The following GPR55 variants were observed in gnomAD, a reference collection of about 807,000 sequenced individuals.
GPR55 encodes G-protein coupled receptor 55.
A neutral mutation model predicts 7.9 loss-of-function variants in GPR55; 6 were observed. The observed-to-expected ratio is 0.76, with a 90% CI of 0.41 to 1.49. GPR55 has a LOEUF of 1.49. GPR55 is among the 40% of genes most tolerant of loss of function. The pLI is 0.01. For missense variants in GPR55, 376 were observed against 406.0 expected (o/e 0.93, Z 0.63); for synonymous variants, 183 against 166.8 (o/e 1.10, Z -0.75).
intron 1 of GPR55, among the ~76,000 whole-genome samples, chr2:230,958,964 C>T (rs1356556780): frequency 1.3e-5 from 2 of 152,200 alleles, no homozygotes; most frequent in Admixed American, 1.3e-4. Context: ...TCATAAATCA[C>T]ATTTCAAGCA....
At chr2:230,913,681 T>C (rs1200186427) in intron 1 of GPR55, among the ~76,000 whole-genome samples, 1 of 152,174 alleles carries the variant, frequency 6.6e-6, no homozygotes, top group East Asian at 1.9e-4. Context: ...GGCCGCCTCC[T>C]CACTAAACAT....
chr2:230,959,994 C>T (rs1238728115), intron 1 of GPR55, among the ~76,000 whole-genome samples: 1 of 152,194 alleles, frequency 6.6e-6, no homozygotes, highest in Non-Finnish European at 1.5e-5. Flanking sequence ...GTTGCCCGTC[C>T]CTATCAGAGC....
At chr2:230,912,281 C>T (rs1459600424) in intron 1 of GPR55, among the ~76,000 whole-genome samples, 3 of 152,166 alleles carry the variant, frequency 2.0e-5, no homozygotes, top group African/African-American at 7.2e-5. Context: ...CCGTGAGACC[C>T]ACCTTCCTGT....
At position 230,910,323 on chromosome 2, in the gene GPR55, G is replaced by T; in HGVS notation, c.640C>A (p.His214Asn). ...TTCTGCTGCACCCAGTCCTGGGTGT[G>T]GTCTCGGCGGCCCAGCAGGATGTGG... Reference protein sequence around the residue: ...SIHILLGRRDHTQDWVQQKAC... With the variant: ...SIHILLGRRDNTQDWVQQKAC... Residue 214 changes from histidine (H) to asparagine (N), a missense_variant, in exon 2 of 2, where the codon CAC (histidine) becomes AAC (asparagine). Physicochemically the swap from His to Asn is moderately conservative, Grantham distance 68 (BLOSUM62 1). Coordinates refer to ENST00000650999, the MANE Select transcript of GPR55 (RefSeq NM_005683.4). This position sits in a 1 kb window ranked among gnomAD's most constrained non-coding sequence, Gnocchi z 5.4. 1.9e-6 allele frequency: 3 copies of T among 1,612,948 alleles called. No individual in the cohort carries two copies. The highest frequency in any genetic ancestry group is 2.5e-6 in the Non-Finnish European group (3 of 1,179,454).
At chr2:230,931,791 G>T (rs528374851) in intron 1 of GPR55, among the ~76,000 whole-genome samples, 162 of 152,038 alleles carry the variant, frequency 1.1e-3, no homozygotes, top group Non-Finnish European at 1.9e-3. Flanking sequence ...TCCACACCCT[G>T]AGTGGTGCCC....
At chr2:230,926,248 G>C (rs1231646627), upstream of GPR55, among the ~76,000 whole-genome samples, 3 of 152,222 alleles carry the variant, frequency 2.0e-5, no homozygotes, top group Non-Finnish European at 2.9e-5. Context: ...TCTTCCCACT[G>C]TCTGGTGAAG....
intron 1 of GPR55, among the ~76,000 whole-genome samples, chr2:230,946,340 A>G (rs577747189): frequency 1.3e-5 from 2 of 152,316 alleles, no homozygotes; most frequent in African/African-American, 2.4e-5. Flanking sequence ...AAACTTGGAA[A>G]TTGCTACAAG....
chr2:230,949,904 G>A (rs923982504), intron 1 of GPR55, among the ~76,000 whole-genome samples: 2 of 151,800 alleles, frequency 1.3e-5, no homozygotes, highest in African/African-American at 4.8e-5. Context: ...GCACAATCTC[G>A]GCTCACTACA....
At chr2:230,931,948 T>C (rs1691046823) in intron 1 of GPR55, among the ~76,000 whole-genome samples, 1 of 151,640 alleles carries the variant, frequency 6.6e-6, no homozygotes, top group African/African-American at 2.4e-5. Context: ...CCTCACCCCT[T>C]CCCTGGTGGT....
At chr2:230,945,462 C>A (rs1034677427) in intron 1 of GPR55, among the ~76,000 whole-genome samples, 4 of 152,200 alleles carry the variant, frequency 2.6e-5, no homozygotes, top group Admixed American at 1.3e-4. Flanking sequence ...GCAACCCGCG[C>A]CCTTATTTGA....
At chr2:230,919,319 A>C (rs757418550) in intron 1 of GPR55, among the ~76,000 whole-genome samples, 1 of 152,192 alleles carries the variant, frequency 6.6e-6, no homozygotes, top group African/African-American at 2.4e-5. Flanking sequence ...GCACAAAAAA[A>C]ATTCTTTTTG....
intron 1 of GPR55, among the ~76,000 whole-genome samples, chr2:230,932,892 C>T (rs1357070616): frequency 2.6e-5 from 4 of 152,118 alleles, no homozygotes; most frequent in Non-Finnish European, 4.4e-5. Context: ...CTCTTGCATG[C>T]GCTCGCTCTC....
At position 230,949,210 on chromosome 2, in the gene GPR55, C is replaced by G. The variant is rs140454365; in HGVS notation, c.-135+11565G>C. Among the ~76,000 whole-genome samples the G allele has an allele frequency of 4.3e-3, 647 of 152,230 alleles. 4 individuals are homozygous for G. Among genetic ancestry groups the G allele is most frequent in the African/African-American group, 0.015 (617 of 41,550 alleles). ...ACGGAGTTTCACTCTTCCACCCAGG[C>G]TGGAGTGCAATGGCGCAATCTCAGC... On this transcript the variant is annotated intron_variant, in intron 1 of 1. Coordinates refer to the GPR55 transcript ENST00000392039.
chr2:230,932,178 G>T (rs184105155), intron 1 of GPR55, among the ~76,000 whole-genome samples: 1 of 152,188 alleles, frequency 6.6e-6, no homozygotes, highest in Non-Finnish European at 1.5e-5. Context: ...ACACCTCCAC[G>T]CCACCAGCCC....
intron 1 of GPR55, chr2:230,957,644 C>G (rs1193174674): frequency 5.6e-6 from 3 of 536,870 alleles, no homozygotes; most frequent in African/African-American, 3.9e-5. Flanking sequence ...GCTCTTTAAG[C>G]TCCTAGGCAT....
rs1691264084 is a variant in GPR55 at position 230,943,353 on chromosome 2, TC to T, written c.-135+17421del. Among the ~76,000 whole-genome samples, 4 of 152,116 alleles carry T rather than the reference TC, an allele frequency of 2.6e-5. No homozygotes were observed. In the South Asian group the frequency reaches 8.3e-4, roughly 32 times the overall value. ...GAGCAGCCCCTCCTTCCTGTGCACC[TC>T]CTCTCCTCTCCCACTAGCCAGCCCC... On this transcript the variant is annotated intron_variant, in intron 1 of 1. Transcript: ENST00000392039.
At chr2:230,928,978 C>G (rs543733827), upstream of GPR55, among the ~76,000 whole-genome samples, 193 of 152,282 alleles carry the variant, frequency 1.3e-3, no homozygotes, top group African/African-American at 4.4e-3. Flanking sequence ...CCCATTCTGC[C>G]GGGAACACTT....
intron 1 of GPR55, among the ~76,000 whole-genome samples, chr2:230,933,595 T>G (rs114176980): frequency 2.6e-5 from 4 of 152,346 alleles, no homozygotes; most frequent in African/African-American, 9.6e-5. Context: ...CCTCCTTTCA[T>G]GTCCACCCTC....
At chr2:230,934,383 C>T (rs1272880810) in intron 1 of GPR55, among the ~76,000 whole-genome samples, 1 of 152,266 alleles carries the variant, frequency 6.6e-6, no homozygotes, top group Non-Finnish European at 1.5e-5. Context: ...GCTGCTCTTT[C>T]TGCCCCTCAG....
Sources: allele counts gnomAD v4.1 joint callset (sites outside exome capture counted in the v4.1 genomes callset), GRCh38; gene constraint gnomAD v4.1.1; non-coding constraint Gnocchi (gnomAD v3.1); transcripts MANE v1.5; gene names NCBI Gene and HGNC (gene_info 2026-07-23, HGNC 2026-07-21).